The following TRAPPC9 variants were observed in gnomAD, a reference collection of about 807,000 sequenced individuals.
TRAPPC9 encodes the protein IKK2 binding protein.
A neutral mutation model predicts 124.0 loss-of-function variants in TRAPPC9; 83 were observed. The ratio of observed to expected loss-of-function variants is 0.67; its 90% CI spans 0.56 to 0.80. The LOEUF is 0.80. Among genes scored for constraint, TRAPPC9 ranks in the 30% least tolerant of loss-of-function variants. TRAPPC9 has a pLI of 0.00. For missense variants in TRAPPC9, 1,302 were observed against 1,508.3 expected, an observed-to-expected ratio of 0.86 and a Z score of 2.27; for synonymous variants, 638 against 617.5, an observed-to-expected ratio of 1.03 and a Z score of -0.49.
chr8:139,854,166 C>A (rs921740881), intron 21 of TRAPPC9, among the ~76,000 whole-genome samples: 1 of 152,098 alleles, frequency 6.6e-6, no homozygotes, highest in South Asian at 2.1e-4. Context: ...GAGGGATTTG[C>A]GAGGCTTTCT....
chr8:140,168,147 T>C (rs148523567), intron 17 of TRAPPC9, among the ~76,000 whole-genome samples: 100 of 152,332 alleles, frequency 6.6e-4, no homozygotes, highest in African/African-American at 2.3e-3. Flanking sequence ...TAGTTAAAGG[T>C]ATCTAGGTAT....
intron 17 of TRAPPC9, among the ~76,000 whole-genome samples, chr8:140,214,786 C>T (rs145668402): frequency 1.3e-5 from 2 of 152,304 alleles, no homozygotes; most frequent in Non-Finnish European, 2.9e-5. Flanking sequence ...TGGACAGACA[C>T]AGTCACTCTA....
upstream of TRAPPC9, chr8:140,458,234 G>A (rs1240712217): frequency 1.5e-5 from 23 of 1,551,108 alleles, no homozygotes; most frequent in Non-Finnish European, 1.9e-5. Flanking sequence ...TTCTGCACCT[G>A]GGGCGGCGCA....
At chr8:139,986,573 T>C (rs1837250290) in intron 19 of TRAPPC9, among the ~76,000 whole-genome samples, 1 of 152,226 alleles carries the variant, frequency 6.6e-6, no homozygotes, top group Non-Finnish European at 1.5e-5. Flanking sequence ...TACCACCTAA[T>C]GTGTTCATCT....
chr8:140,285,415 T>C (rs566690183), intron 13 of TRAPPC9, among the ~76,000 whole-genome samples: 15 of 152,228 alleles, frequency 9.9e-5, no homozygotes, highest in Non-Finnish European at 1.9e-4. Context: ...CTCCAGTCCT[T>C]CCCATCTCAA....
At chr8:139,875,401 G>A (rs986295707) in intron 21 of TRAPPC9, among the ~76,000 whole-genome samples, 1 of 152,236 alleles carries the variant, frequency 6.6e-6, no homozygotes, top group Non-Finnish European at 1.5e-5. Flanking sequence ...AACACTGGGG[G>A]CCTGTGAACA....
chr8:139,894,685 T>A (rs1830556428), intron 20 of TRAPPC9, among the ~76,000 whole-genome samples: 1 of 152,222 alleles, frequency 6.6e-6, no homozygotes, highest in South Asian at 2.1e-4. Context: ...AGCCATGCTG[T>A]GACTCACTCT....
intron 18 of TRAPPC9, among the ~76,000 whole-genome samples, chr8:140,017,521 A>C (rs1226747524): frequency 2.6e-5 from 4 of 152,228 alleles, no homozygotes; most frequent in Non-Finnish European, 4.4e-5. Flanking sequence ...CTTGTTAAAA[A>C]TCAACTGATG....
intron 5 of TRAPPC9, among the ~76,000 whole-genome samples, chr8:140,425,146 G>A (rs557815253): frequency 6.6e-6 from 1 of 152,340 alleles, no homozygotes; most frequent in African/African-American, 2.4e-5. Flanking sequence ...TATGATTTCA[G>A]TAGCGAGTCA....
intron 7 of TRAPPC9, among the ~76,000 whole-genome samples, chr8:140,377,683 C>A (rs1192403145): frequency 6.6e-6 from 1 of 152,156 alleles, no homozygotes; most frequent in Non-Finnish European, 1.5e-5. Flanking sequence ...GCCAATTAAA[C>A]AAGACCATAC....
At chr8:140,167,023 G>A (rs2061851339) in intron 17 of TRAPPC9, among the ~76,000 whole-genome samples, 1 of 151,978 alleles carries the variant, frequency 6.6e-6, no homozygotes, top group Non-Finnish European at 1.5e-5. Flanking sequence ...TTATAGTACT[G>A]AAGACCAAAA....
chr8:140,105,374 C>G (rs1242850447), intron 17 of TRAPPC9, among the ~76,000 whole-genome samples: 3 of 152,222 alleles, frequency 2.0e-5, no homozygotes, highest in Non-Finnish European at 4.4e-5. Flanking sequence ...CCCTGGTTAT[C>G]CAGTTTGATT....
At chr8:139,820,284 A>C (rs557499388) in intron 21 of TRAPPC9, among the ~76,000 whole-genome samples, 30 of 151,958 alleles carry the variant, frequency 2.0e-4, no homozygotes, top group African/African-American at 7.2e-4. Flanking sequence ...GGGTTCAAGC[A>C]ATTCTCCTGC....
intron 18 of TRAPPC9, among the ~76,000 whole-genome samples, chr8:140,004,833 A>G (rs1838643860): frequency 6.6e-6 from 1 of 152,172 alleles, no homozygotes. Context: ...CTAGACACCA[A>G]TGTTTGCTCA....
chr8:140,278,135 G>A (rs150672582), intron 14 of TRAPPC9, among the ~76,000 whole-genome samples: 8 of 150,624 alleles, frequency 5.3e-5, no homozygotes, highest in East Asian at 1.9e-4. Flanking sequence ...AGATAGTCTC[G>A]CTCTGTCGCT....
At chr8:139,947,933 G>GAGAGAGAA (rs1834368226) in intron 19 of TRAPPC9, among the ~76,000 whole-genome samples, 4 of 134,636 alleles carry the variant, frequency 3.0e-5, no homozygotes, top group African/African-American at 1.2e-4. Context: ...GCGAGAGAGA[G>GAGAGAGAA]AGAGAGAGAG....
intron 12 of TRAPPC9, among the ~76,000 whole-genome samples, chr8:140,290,460 C>G (rs1563920811): frequency 6.6e-6 from 1 of 152,190 alleles, no homozygotes; most frequent in East Asian, 1.9e-4. Context: ...ATTGGGTAAG[C>G]ATTTCCAACA....
intron 21 of TRAPPC9, among the ~76,000 whole-genome samples, chr8:139,748,473 ACAG>A (rs2130170106): frequency 8.6e-6 from 1 of 116,674 alleles, no homozygotes; most frequent in South Asian, 3.1e-4. Flanking sequence ...GGGGGTACAC[ACAG>A]CAGGTGTCAG....
intron 9 of TRAPPC9, 87 bp downstream of exon 9, chr8:140,359,963 C>T: frequency 6.3e-7 from 1 of 1,597,922 alleles, no homozygotes; most frequent in Non-Finnish European, 8.6e-7. Flanking sequence ...CACTGAAACC[C>T]AAGCCCAGGG....
Sources: allele counts gnomAD v4.1 joint callset (sites outside exome capture counted in the v4.1 genomes callset), GRCh38; gene constraint gnomAD v4.1.1; transcripts MANE v1.5; gene names NCBI Gene and HGNC (gene_info 2026-07-23, HGNC 2026-07-21).